Variants in MPDZ observed in about 807,000 individuals in gnomAD.
The protein encoded by MPDZ is multiple PDZ domain protein.
A neutral mutation model predicts 239.1 loss-of-function variants in MPDZ; 234 were observed. The observed-to-expected ratio is 0.98, with a 90% CI of 0.88 to 1.09. MPDZ has a LOEUF of 1.09. MPDZ is among the 50% of genes least tolerant of loss of function. The pLI, the probability that MPDZ is intolerant of heterozygous loss-of-function variation, is 0.00. For missense variants in MPDZ, 3,175 were observed against 2,510.0 expected, an observed-to-expected ratio of 1.26 and a Z score of -5.66; for synonymous variants, 1,048 against 881.3, an observed-to-expected ratio of 1.19 and a Z score of -3.35.
In MPDZ at chr9:13,199,652, G is replaced by C. The variant is rs1443516295; in HGVS notation, c.1547-3422C>G. 5.3e-5 allele frequency among the ~76,000 whole-genome samples: 8 copies of C among 152,080 alleles called. No homozygotes were observed. In the East Asian group the frequency reaches 1.4e-3, roughly 26 times the overall value. ...CTGTGGATTTTTCATATATGGCCTT[G>C]ATTATTCTGAGGCATGTTCTTTCTA... On this transcript the variant is annotated intron_variant, in intron 12 of 46. Transcript: ENST00000319217.
At chr9:13,258,415 T>G (rs1969933757) in intron 1 of MPDZ, among the ~76,000 whole-genome samples, 3 of 152,236 alleles carry the variant, frequency 2.0e-5, no homozygotes, top group African/African-American at 7.2e-5. Flanking sequence ...GCTTGCAGCT[T>G]GTCAGAGTTG....
intron 21 of MPDZ, among the ~76,000 whole-genome samples, chr9:13,173,017 T>C (rs1194309955): frequency 6.6e-6 from 1 of 152,162 alleles, no homozygotes. Flanking sequence ...TTATACACAG[T>C]CAAATATGGA....
At chr9:13,136,325 CTTTT>C (rs869272418) in intron 30 of MPDZ, 143 bp from the exon 31 acceptor site, 1,497 of 155,686 alleles carry the variant, frequency 9.6e-3, no homozygotes, top group East Asian at 0.015. Flanking sequence ...CAAACGTTTT[CTTTT>C]TTTTTTTTTT....
rs540572504 is a variant in MPDZ, at chr9:13,176,277, A to G, written c.2790T>C (p.Thr930=). 6.2e-7 allele frequency: 1 copy of G among 1,610,332 alleles called. No individual in the cohort carries two copies. The highest frequency in any genetic ancestry group is 1.7e-5 in the Admixed American group (1 of 59,650). Residue 930 remains threonine (T), a synonymous_variant, in exon 20 of 47, where the codon ACT becomes ACC. Coordinates refer to ENST00000319217, the MANE Select transcript of MPDZ (RefSeq NM_001378778.1). ...CATTTGCAGGTGTGTAGTCATTTATAGTAAAGCCAGAAGCAGGCCCCATAC... is the reference window on the plus strand; with the variant it reads ...CATTTGCAGGTGTGTAGTCATTTATGGTAAAGCCAGAAGCAGGCCCCATAC... ...DISMGPASGF[T]INDYTPANAI...
At chr9:13,225,332 TAA>T (rs966075020) in intron 3 of MPDZ, among the ~76,000 whole-genome samples, 3 of 152,052 alleles carry the variant, frequency 2.0e-5, no homozygotes, top group Non-Finnish European at 4.4e-5. Flanking sequence ...ACTCTATGCA[TAA>T]GAGTTTTTTA....
intron 13 of MPDZ, 41 bp from the exon 14 acceptor site, chr9:13,193,354 C>G: frequency 1.3e-6 from 2 of 1,553,974 alleles, no homozygotes; most frequent in African/African-American, 2.8e-5. Flanking sequence ...TTTTTATATT[C>G]TTTTTATTTT....
intron 7 of MPDZ, 74 bp from the exon 8 acceptor site, chr9:13,219,842 A>T (rs1587894864): frequency 1.4e-6 from 2 of 1,433,354 alleles, no homozygotes; most frequent in Non-Finnish European, 9.6e-7. Flanking sequence ...ATGAGAAGGG[A>T]TTAATTTTAG....
chr9:13,150,463 TAAAAC>T, intron 25 of MPDZ, 43 bp downstream of exon 25: 1 of 1,369,190 alleles, frequency 7.3e-7, no homozygotes, highest in South Asian at 1.9e-5. Context: ...AATAAATAAA[TAAAAC>T]AAAACAAACA....
At chr9:13,119,389 G>A in intron 39 of MPDZ, 113 bp downstream of exon 39, 1 of 1,306,274 alleles carries the variant, frequency 7.7e-7, no homozygotes, top group South Asian at 1.5e-5. Flanking sequence ...CTGGCCTTGA[G>A]GTGACACTTT....
rs188797595 is a variant in MPDZ, at chr9:13,132,890, T to A, written c.4464+934A>T. On this transcript the variant is annotated intron_variant, in intron 32 of 46. Coordinates refer to ENST00000319217, the MANE Select transcript of MPDZ (RefSeq NM_001378778.1). ...TCCCAATCACTACAGTATGTTGCCC[T>A]TTATCCATCTAACATGTTCATTCCA... Among the ~76,000 whole-genome samples the A allele has an allele frequency of 3.3e-5, 5 of 152,288 alleles. No individual in the cohort carries two copies. The East Asian group carries it at 9.7e-4, about 29-fold the overall frequency.
At position 13,171,874 on chromosome 9, in the gene MPDZ, A is replaced by G. The variant is rs188116601; in HGVS notation, c.3056-3310T>C. The stretch of plus-strand genomic sequence containing the variant: ...GCATATAGCTGATTAAGGGGAGACT[A>G]TGAATCTAAGAAAATGAGCTCATTG... On this transcript the variant is annotated intron_variant, in intron 21 of 46. Transcript: ENST00000319217. Among the ~76,000 whole-genome samples, 34 of 152,282 alleles carry G rather than the reference A, an allele frequency of 2.2e-4. 1 individual carries two copies. The East Asian group carries it at 6.2e-3, about 28-fold the overall frequency.
At position 13,168,958 on chromosome 9, in the gene MPDZ, A is replaced by G. The variant is rs57894814; in HGVS notation, c.3056-394T>C. Among the ~76,000 whole-genome samples, 1,121 of 152,286 alleles carry G rather than the reference A, an allele frequency of 7.4e-3. 13 individuals carry two copies. The highest frequency in any genetic ancestry group is 0.026 in the African/African-American group (1,062 of 41,568). On this transcript the variant is annotated intron_variant, in intron 21 of 46. Coordinates refer to ENST00000319217, the MANE Select transcript of MPDZ (RefSeq NM_001378778.1). ...AAGGACTACAAAAGGAAAATTCATCATGTAAATTAAGCAATTATCCGCTAT... is the reference window on the plus strand; with the variant it reads ...AAGGACTACAAAAGGAAAATTCATCGTGTAAATTAAGCAATTATCCGCTAT...
chr9:13,113,332 T>A (rs1271474259), intron 41 of MPDZ, among the ~76,000 whole-genome samples: 1 of 152,096 alleles, frequency 6.6e-6, no homozygotes, highest in African/African-American at 2.4e-5. Context: ...GGGCAGAATG[T>A]GTTTTGCATA....
At chr9:13,149,934 TGA>T (rs977296646) in intron 25 of MPDZ, among the ~76,000 whole-genome samples, 1 of 151,864 alleles carries the variant, frequency 6.6e-6, no homozygotes, top group African/African-American at 2.4e-5. Context: ...GAAAGGTAAC[TGA>T]GGTGTCAGCA....
At chr9:13,181,397 T>C (rs1363681195) in intron 19 of MPDZ, among the ~76,000 whole-genome samples, 1 of 152,158 alleles carries the variant, frequency 6.6e-6, no homozygotes, top group Non-Finnish European at 1.5e-5. Flanking sequence ...TTTATTTTAT[T>C]TACATAAAAA....
chr9:13,107,808 C>T (rs1055600211), intron 46 of MPDZ, among the ~76,000 whole-genome samples: 7 of 151,964 alleles, frequency 4.6e-5, no homozygotes, highest in African/African-American at 7.3e-5. Flanking sequence ...GACAATTATG[C>T]AATTAAATAT....
At chr9:13,137,816 G>A (rs1947052063) in intron 29 of MPDZ, 141 bp downstream of exon 29, 4 of 857,738 alleles carry the variant, frequency 4.7e-6, no homozygotes, top group Non-Finnish European at 7.1e-6. Flanking sequence ...TTTAGAGCCA[G>A]ATTTGCTGCA....
intron 1 of MPDZ, among the ~76,000 whole-genome samples, chr9:13,265,718 T>G (rs746789306): frequency 1.3e-5 from 2 of 152,178 alleles, no homozygotes; most frequent in African/African-American, 2.4e-5. Flanking sequence ...TCAGCTGCCC[T>G]CTCAGGGACA....
rs189969069 is a variant in MPDZ, at chr9:13,156,054, T to C, written c.3452+1964A>G. Among the ~76,000 whole-genome samples, 192 of 152,302 alleles carry C rather than the reference T, an allele frequency of 1.3e-3. 1 individual carries two copies. The highest frequency in any genetic ancestry group is 2.2e-3 in the Non-Finnish European group (148 of 68,020). On this transcript the variant is annotated intron_variant, in intron 24 of 46. Transcript: ENST00000319217. Reference sequence around the variant, plus strand: ...ATTTCATGATTTCTGTGTCAAAGGCTTTCTCTTTGCTTAGGTACCAGTGAC... The same window carrying C: ...ATTTCATGATTTCTGTGTCAAAGGCCTTCTCTTTGCTTAGGTACCAGTGAC...
Sources: allele counts gnomAD v4.1 joint callset (sites outside exome capture counted in the v4.1 genomes callset), GRCh38; gene constraint gnomAD v4.1.1; transcripts MANE v1.5; gene names NCBI Gene and HGNC (gene_info 2026-07-23, HGNC 2026-07-21).